BTBD2: variants seen among roughly 807,000 people sequenced by gnomAD.
BTBD2 encodes the protein BTB/POZ domain-containing protein 2.
A neutral mutation model predicts 44.0 loss-of-function variants in BTBD2; 15 were observed. The ratio of observed to expected loss-of-function variants is 0.34; its 90% CI spans 0.23 to 0.53. The LOEUF is 0.53. BTBD2 is among the 20% of genes least tolerant of loss of function. The pLI, the probability that BTBD2 is intolerant of heterozygous loss-of-function variation, is 0.95. For synonymous variants in BTBD2, 443 were observed against 335.9 expected (o/e 1.32, Z -3.49); for missense variants, 657 against 746.4 (o/e 0.88, Z 1.39).
intron 3 of BTBD2, chr19:1,991,871 G>A (rs1246868864): frequency 1.3e-5 from 2 of 151,834 alleles, no homozygotes; most frequent in African/African-American, 4.8e-5. Flanking sequence ...GCCCTGCTCT[G>A]TCTACCTGAC....
intron 1 of BTBD2, among the ~76,000 whole-genome samples, chr19:1,999,147 C>A (rs986073037): frequency 8.5e-5 from 13 of 152,188 alleles, no homozygotes; most frequent in African/African-American, 2.4e-5. Context: ...CCCCCTAAAC[C>A]CCGCAGGCCC....
Position 1,989,994 on chromosome 19 carries a change from GCT to G in BTBD2, c.988+8_988+9del, listed in dbSNP as rs1374088590. On this transcript the variant is annotated splice_region_variant and intron_variant, in intron 5 of 8. Transcript: ENST00000255608. ...CTCCCAAACCAGCCCCTGAGCCCGA[GCT>G]CTGTTACCTGCAGCGAACTCCTCGA... is the stretch of plus-strand genomic sequence containing the variant. 1.9e-6 allele frequency: 3 copies of G among 1,612,750 alleles called. No homozygotes were observed. The Admixed American group carries it at 5.0e-5, about 27-fold the overall frequency.
chr19:1,991,629 G>A (rs1599349622), intron 3 of BTBD2, among the ~76,000 whole-genome samples: 1 of 152,198 alleles, frequency 6.6e-6, no homozygotes, highest in African/African-American at 2.4e-5. Flanking sequence ...GGATGGAGGG[G>A]GAGAAGGTTC....
intron 1 of BTBD2, among the ~76,000 whole-genome samples, chr19:1,999,765 C>T (rs534820557): frequency 5.3e-5 from 8 of 151,958 alleles, no homozygotes; most frequent in Non-Finnish European, 8.8e-5. Context: ...GTTGGGAGAC[C>T]AGCCTGGCCA....
intron 3 of BTBD2, chr19:1,992,145 T>A (rs934449701): frequency 6.8e-6 from 1 of 147,298 alleles, no homozygotes; most frequent in Admixed American, 6.7e-5. Flanking sequence ...CAGGCTGGAG[T>A]GCAGTGGCGC....
chr19:1,987,066 A>G, intron 7 of BTBD2, 90 bp from the exon 8 acceptor site: 5 of 1,589,910 alleles, frequency 3.1e-6, no homozygotes, highest in Non-Finnish European at 4.3e-6. Context: ...GGGTGGGGGC[A>G]GCACAGGGAC....
chr19:1,986,878 C>A lies in BTBD2; in HGVS notation c.1368G>T (p.Pro456=), dbSNP rs946568000. The change falls in exon 8 of 9, where the codon CCG becomes CCT. Residue 456 remains proline (P), a synonymous_variant. Coordinates refer to ENST00000255608, the MANE Select transcript of BTBD2 (RefSeq NM_017797.4). ...AGTTGACGTTGGGCAGCACCTCCACCGGCTCCTTGAACATGACGCGGAAGG... is the reference window on the plus strand; with the variant it reads ...AGTTGACGTTGGGCAGCACCTCCACAGGCTCCTTGAACATGACGCGGAAGG... ...ASTFRVMFKE[P]VEVLPNVNYT... 1.9e-6 allele frequency: 3 copies of A among 1,612,724 alleles called. No homozygotes were observed. Among genetic ancestry groups the A allele is most frequent in the African/African-American group, 1.3e-5 (1 of 74,930 alleles).
intron 1 of BTBD2, among the ~76,000 whole-genome samples, chr19:2,009,570 T>C (rs2016437742): frequency 6.8e-6 from 1 of 146,754 alleles, no homozygotes; most frequent in Non-Finnish European, 1.5e-5. Context: ...TACGTTAGGC[T>C]GGGCGCGGTG....
At position 1,994,087 on chromosome 19, in the gene BTBD2, C is replaced by G. The variant is rs991516250; in HGVS notation, c.528-911G>C. ...ATCCCAGCACTTTGAGAGGCCGAGG[C>G]GGGCAGATCACTTGAGGCCAGGAGT... On this transcript the variant is annotated intron_variant, in intron 2 of 8. Coordinates refer to ENST00000255608, the MANE Select transcript of BTBD2 (RefSeq NM_017797.4). 2.1e-5 allele frequency among the ~76,000 whole-genome samples: 3 copies of G among 145,714 alleles called. No individual in the cohort carries two copies. In the Admixed American group the frequency reaches 2.1e-4, roughly 10 times the overall value.
intron 1 of BTBD2, chr19:2,013,603 C>T: frequency 1.0e-6 from 1 of 987,782 alleles, no homozygotes; most frequent in Non-Finnish European, 1.2e-6. Context: ...GGTGGGTGGT[C>T]ACTGAAGTGG....
At chr19:2,014,719 C>A in intron 1 of BTBD2, 1 of 156,212 alleles carries the variant, frequency 6.4e-6, no homozygotes, top group Non-Finnish European at 1.4e-5. Context: ...GGCCCAGGGG[C>A]TCCAAGTGCA....
chr19:1,990,454 A>G, intron 4 of BTBD2: 1 of 611,266 alleles, frequency 1.6e-6, no homozygotes, highest in South Asian at 2.0e-5. Flanking sequence ...AAGCTGTTCA[A>G]CAGCAAAGTC....
intron 1 of BTBD2, among the ~76,000 whole-genome samples, chr19:1,999,589 C>T (rs1262955379): frequency 1.3e-5 from 2 of 151,992 alleles, no homozygotes; most frequent in East Asian, 1.9e-4. Context: ...CTGCTTAAGC[C>T]CAGGAGGTCA....
chr19:2,009,711 G>A (rs1054968941), intron 1 of BTBD2, among the ~76,000 whole-genome samples: 2 of 151,892 alleles, frequency 1.3e-5, no homozygotes, highest in Admixed American at 6.6e-5. Context: ...TTAGCTGGGC[G>A]TGGTGGCGCA....
intron 1 of BTBD2, among the ~76,000 whole-genome samples, chr19:2,004,015 AGATAAATGC>A (rs1333189531): frequency 6.6e-6 from 1 of 152,032 alleles, no homozygotes; most frequent in African/African-American, 2.4e-5. Context: ...CCGCTCACCG[AGATAAATGC>A]GTATCTGATT....
chr19:2,000,720 C>T (rs1020334936), intron 1 of BTBD2, among the ~76,000 whole-genome samples: 3 of 152,136 alleles, frequency 2.0e-5, no homozygotes, highest in African/African-American at 4.8e-5. Context: ...CGAGAACACA[C>T]GGCCACACAA....
intron 5 of BTBD2, chr19:1,989,260 T>TGGC (rs1266440967): frequency 6.6e-6 from 1 of 152,538 alleles, no homozygotes; most frequent in Non-Finnish European, 1.5e-5. Flanking sequence ...TGTGTGGTGG[T>TGGC]GGCACCTGTG....
At chr19:1,992,089 A>G (rs546592318) in intron 3 of BTBD2, 1 of 147,430 alleles carries the variant, frequency 6.8e-6, no homozygotes, top group Non-Finnish European at 1.5e-5. Flanking sequence ...TCTCAAAAAA[A>G]AATTATTTTA....
intron 2 of BTBD2, 45 bp from the exon 3 acceptor site, chr19:1,993,221 C>T (rs1242381191): frequency 1.9e-6 from 3 of 1,570,806 alleles, no homozygotes; most frequent in Non-Finnish European, 2.6e-6. Flanking sequence ...CCGCCATGCC[C>T]GCCCCCAGGG....
Sources: allele counts gnomAD v4.1 joint callset (sites outside exome capture counted in the v4.1 genomes callset), GRCh38; gene constraint gnomAD v4.1.1; transcripts MANE v1.5; gene names NCBI Gene and HGNC (gene_info 2026-07-23, HGNC 2026-07-21).